PCDH11Y: variants seen among roughly 807,000 people sequenced by gnomAD.
PCDH11Y encodes the protein protocadherin 11 Y-linked, also known as protocadherin-11 Y-linked.
For missense variants in PCDH11Y, 12 were observed against 224.8 expected (o/e 0.05, Z 6.05); for synonymous variants, 9 against 83.6 (o/e 0.11, Z 4.87).
At chrY:5,108,542 T>C (rs2052797843), downstream of PCDH11Y, among the ~76,000 whole-genome samples, 2 of 30,300 alleles carry the variant, frequency 6.6e-5, no homozygotes, top group Non-Finnish European at 1.6e-4. Context: ...GGTCAGGAGA[T>C]CGAGACCATC....
intron 2 of PCDH11Y, among the ~76,000 whole-genome samples, chrY:5,337,136 C>T: frequency 3.1e-5 from 1 of 32,589 alleles, no homozygotes; most frequent in African/African-American, 1.2e-4. Context: ...ATTCACTTAT[C>T]TTTTATTCCA....
intron 4 of PCDH11Y, among the ~76,000 whole-genome samples, chrY:5,642,217 G>A: frequency 3.0e-5 from 1 of 33,170 alleles, no homozygotes; most frequent in African/African-American, 1.2e-4. Flanking sequence ...GCCATTCAGA[G>A]AGTGAGCTAA....
intron 2 of PCDH11Y, among the ~76,000 whole-genome samples, chrY:5,371,951 G>T: frequency 9.1e-5 from 3 of 32,986 alleles, no homozygotes; most frequent in Non-Finnish European, 2.2e-4. Flanking sequence ...AACAGAATTT[G>T]ATATGAGGTT....
intron 2 of PCDH11Y, among the ~76,000 whole-genome samples, chrY:5,120,083 T>A: frequency 3.0e-5 from 1 of 33,331 alleles, no homozygotes; most frequent in Non-Finnish European, 7.4e-5. Flanking sequence ...CAGACCTTTT[T>A]TTTTCCAAAT....
At chrY:5,593,834 G>T (rs2053464636) in intron 4 of PCDH11Y, among the ~76,000 whole-genome samples, 1 of 32,222 alleles carries the variant, frequency 3.1e-5, no homozygotes, top group Non-Finnish European at 7.6e-5. Context: ...TGGGAGACTG[G>T]TATTGGGCCC....
At chrY:5,329,871 G>A (rs1602905658) in intron 2 of PCDH11Y, among the ~76,000 whole-genome samples, 214 of 33,179 alleles carry the variant, frequency 6.4e-3, no homozygotes, top group Admixed American at 0.017. Context: ...TGTGCTGGTC[G>A]GTCTGAGGAC....
At chrY:5,319,721 G>A (rs2053110889) in intron 2 of PCDH11Y, among the ~76,000 whole-genome samples, 1 of 32,314 alleles carries the variant, frequency 3.1e-5, no homozygotes, top group Non-Finnish European at 7.6e-5. Context: ...AAATATCTAG[G>A]TTGTCATTAG....
intron 2 of PCDH11Y, among the ~76,000 whole-genome samples, chrY:5,276,357 T>G: frequency 9.3e-5 from 3 of 32,207 alleles, no homozygotes; most frequent in African/African-American, 3.6e-4. Flanking sequence ...AAAAAGAAAA[T>G]TTTTGATAGT....
intron 4 of PCDH11Y, among the ~76,000 whole-genome samples, chrY:5,626,147 C>T: frequency 3.2e-5 from 1 of 31,127 alleles, no homozygotes; most frequent in Non-Finnish European, 7.8e-5. Flanking sequence ...TTTTATGTTG[C>T]CAGGAATGTA....
At chrY:5,620,618 C>T in intron 4 of PCDH11Y, among the ~76,000 whole-genome samples, 1 of 32,578 alleles carries the variant, frequency 3.1e-5, no homozygotes, top group Non-Finnish European at 7.5e-5. Context: ...ATACTTTAGA[C>T]CAATATCCTT....
chrY:5,554,809 G>C, intron 3 of PCDH11Y, among the ~76,000 whole-genome samples: 1 of 33,996 alleles, frequency 2.9e-5, no homozygotes, highest in Admixed American at 2.6e-4. Flanking sequence ...TGTCCAGGCA[G>C]AAGTTTGCTG....
intron 4 of PCDH11Y, among the ~76,000 whole-genome samples, chrY:5,662,914 G>A (rs2053542098): frequency 3.2e-5 from 1 of 31,039 alleles, no homozygotes; most frequent in South Asian, 7.4e-4. Flanking sequence ...GCTTGAATCC[G>A]GGAGGTGGAG....
At chrY:5,728,968 C>G (rs2124714892) in intron 4 of PCDH11Y, among the ~76,000 whole-genome samples, 1 of 33,473 alleles carries the variant, frequency 3.0e-5, no homozygotes, top group East Asian at 7.9e-4. Flanking sequence ...CTTTTAAAGA[C>G]TGCGTATATC....
At chrY:5,288,939 T>C (rs2124661635) in intron 2 of PCDH11Y, among the ~76,000 whole-genome samples, 1 of 32,812 alleles carries the variant, frequency 3.0e-5, no homozygotes, top group African/African-American at 1.2e-4. Context: ...TTTTATTTTT[T>C]GTTCTTCTAA....
chrY:5,545,077 T>C, intron 3 of PCDH11Y, among the ~76,000 whole-genome samples: 1 of 32,411 alleles, frequency 3.1e-5, no homozygotes, highest in Non-Finnish European at 7.7e-5. Flanking sequence ...AATTTTTACA[T>C]ATTTTAGTAT....
chrY:5,281,292 T>A, intron 2 of PCDH11Y, among the ~76,000 whole-genome samples: 4 of 32,393 alleles, frequency 1.2e-4, no homozygotes, highest in African/African-American at 2.4e-4. Flanking sequence ...TACACTTATT[T>A]AAAATTATAT....
intron 4 of PCDH11Y, among the ~76,000 whole-genome samples, chrY:5,618,649 A>G: frequency 3.7e-5 from 1 of 27,242 alleles, no homozygotes; most frequent in Admixed American, 3.7e-4. Flanking sequence ...TTGAAAAAAA[A>G]AAAAACAAAA....
At chrY:5,270,758 T>G in intron 2 of PCDH11Y, among the ~76,000 whole-genome samples, 1 of 32,654 alleles carries the variant, frequency 3.1e-5, no homozygotes, top group Non-Finnish European at 7.5e-5. Context: ...CCGCATAAAT[T>G]GGCAAATCCT....
intron 2 of PCDH11Y, among the ~76,000 whole-genome samples, chrY:5,210,151 C>T: frequency 2.9e-5 from 1 of 34,099 alleles, no homozygotes; most frequent in Non-Finnish European, 7.3e-5. Context: ...TATTTTTCCC[C>T]TGGAGGCTTT....
Sources: gnomAD v4.1 joint callset for allele counts (sites outside exome capture counted in the v4.1 genomes callset) on GRCh38, gnomAD v4.1.1 for gene constraint, MANE v1.5 for transcripts, NCBI Gene and HGNC (gene_info 2026-07-23, HGNC 2026-07-21) for gene names.